The following CSMD3 variants were observed in gnomAD, a reference collection of about 807,000 sequenced individuals.
CSMD3 encodes CUB and sushi domain-containing protein 3.
Under a neutral mutation model 435.2 loss-of-function variants are expected in CSMD3, and 177 were observed. The ratio of observed to expected loss-of-function variants is 0.41; its 90% CI spans 0.36 to 0.46. CSMD3 has a LOEUF of 0.46. Among genes scored for constraint, CSMD3 ranks in the 20% least tolerant of loss-of-function variants. CSMD3 has a pLI of 0.34. For missense variants in CSMD3, 4,265 were observed against 4,504.6 expected (o/e 0.95, Z 1.52); for synonymous variants, 1,656 against 1,520.5 (o/e 1.09, Z -2.07).
chr8:112,748,116 T>C (rs565641376), intron 13 of CSMD3, among the ~76,000 whole-genome samples: 1 of 152,288 alleles, frequency 6.6e-6, no homozygotes, highest in Non-Finnish European at 1.5e-5. Context: ...CTTCTGGTTA[T>C]TGCTTTTTGC....
At chr8:113,217,596 G>T (rs188043327) in intron 3 of CSMD3, among the ~76,000 whole-genome samples, 1 of 151,486 alleles carries the variant, frequency 6.6e-6, no homozygotes, top group Admixed American at 6.6e-5. Flanking sequence ...ATTTAACAGC[G>T]TATTCAAAAT....
chr8:112,441,117 C>T (rs1382462454), intron 32 of CSMD3, among the ~76,000 whole-genome samples: 1 of 152,132 alleles, frequency 6.6e-6, no homozygotes, highest in African/African-American at 2.4e-5. Flanking sequence ...GAATGCTTTG[C>T]TGCTTTGCAA....
At chr8:113,063,925 T>C (rs570422371) in intron 5 of CSMD3, among the ~76,000 whole-genome samples, 5 of 151,730 alleles carry the variant, frequency 3.3e-5, no homozygotes, top group African/African-American at 1.2e-4. Context: ...TATAATACAA[T>C]AAAATTCCTT....
intron 1 of CSMD3, among the ~76,000 whole-genome samples, chr8:113,374,385 A>C (rs552768114): frequency 8.5e-5 from 13 of 152,208 alleles, no homozygotes. Context: ...ACAAGTTTGA[A>C]TTCTTATTCA....
At chr8:112,893,196 A>T (rs2081852067) in intron 10 of CSMD3, among the ~76,000 whole-genome samples, 2 of 151,434 alleles carry the variant, frequency 1.3e-5, no homozygotes, top group South Asian at 4.1e-4. Context: ...TTATCTTAAC[A>T]AACTCTCACA....
At position 113,173,844 on chromosome 8, in the gene CSMD3, A is replaced by G. The variant is rs2131891316; in HGVS notation, c.587T>C (p.Val196Ala). The G allele has an allele frequency of 2.5e-6, 4 of 1,613,912 alleles. No individual in the cohort carries two copies. Among genetic ancestry groups the G allele is most frequent in the Non-Finnish European group, 3.4e-6 (4 of 1,179,876 alleles). Residue 196 changes from valine (V) to alanine (A), a missense_variant, in exon 4 of 71, where the codon GTC becomes GCC. Around this residue, in one of 3 missense-constraint regions of CSMD3, gnomAD observed 731 missense variants for 755.4 expected, o/e 0.97. Transcript: ENST00000297405. ...ACAGCTGTAGCGGATCTTGTCCCCG[A>G]CGTCGAATCTTGTGCCATATAATAC... ...KGVLYGTRFD[V>A]GDKIRYSCVT...
intron 7 of CSMD3, among the ~76,000 whole-genome samples, chr8:112,960,631 G>T (rs985733375): frequency 1.3e-5 from 2 of 151,450 alleles, no homozygotes; most frequent in African/African-American, 4.8e-5. Context: ...AAAAGCAATG[G>T]CCATAATTTG....
intron 63 of CSMD3, among the ~76,000 whole-genome samples, chr8:112,250,631 T>C (rs369774032): frequency 6.6e-6 from 1 of 151,804 alleles, no homozygotes; most frequent in Admixed American, 6.6e-5. Flanking sequence ...AACAACATTC[T>C]AAAAATTTAT....
intron 25 of CSMD3, among the ~76,000 whole-genome samples, chr8:112,553,327 C>T (rs1023295556): frequency 1.3e-5 from 2 of 151,870 alleles, no homozygotes; most frequent in Admixed American, 1.3e-4. Flanking sequence ...ATGTGAGTAT[C>T]GTCATGCAAT....
chr8:112,636,928 C>T lies in CSMD3; in HGVS notation c.3604G>A (p.Asp1202Asn), dbSNP rs2131581476. ...GAAGAGCATGAGAAGGTCAGAGTGT[C>T]ACCAATCCCAAAGTTGAACCCGATT... ...SRIGFNFGIGDTLTFSCSSGY... is the reference protein window; with the variant it reads ...SRIGFNFGIGNTLTFSCSSGY... The change falls in exon 22 of 71, where the codon GAC becomes AAC. Residue 1202 changes from aspartate to asparagine, a missense_variant. By Grantham distance (23) the Asp-to-Asn change is conservative. Coordinates refer to ENST00000297405, the MANE Select transcript of CSMD3 (RefSeq NM_198123.2). 6.2e-7 allele frequency: 1 copy of T among 1,613,518 alleles called. No homozygotes were observed. The highest frequency in any genetic ancestry group is 1.1e-5 in the South Asian group (1 of 91,042).
intron 10 of CSMD3, among the ~76,000 whole-genome samples, chr8:112,908,750 T>A (rs372102563): frequency 6.6e-6 from 1 of 151,578 alleles, no homozygotes; most frequent in African/African-American, 2.4e-5. Context: ...TTTATGGTCA[T>A]GAAAATGAAG....
chr8:113,022,091 T>C (rs1156540846), intron 5 of CSMD3, among the ~76,000 whole-genome samples: 1 of 152,166 alleles, frequency 6.6e-6, no homozygotes, highest in Non-Finnish European at 1.5e-5. Context: ...TTATGGCTTA[T>C]GGAGAAATCT....
intron 11 of CSMD3, among the ~76,000 whole-genome samples, chr8:112,852,966 T>G (rs2080536824): frequency 6.6e-6 from 1 of 152,064 alleles, no homozygotes; most frequent in East Asian, 1.9e-4. Context: ...TTGTTCTGAT[T>G]ATATTAATAA....
At chr8:113,147,647 C>T (rs73342286) in intron 4 of CSMD3, among the ~76,000 whole-genome samples, 14 of 151,738 alleles carry the variant, frequency 9.2e-5, no homozygotes, top group African/African-American at 3.4e-4. Flanking sequence ...ATAACTTACT[C>T]TTTTTGGTGT....
chr8:112,666,318 A>C lies in CSMD3; in HGVS notation c.2775T>G (p.Ile925Met). Reference protein sequence around the residue: ...YKDSLNCEWVIEAEPGHSIKI... With the variant: ...YKDSLNCEWVMEAEPGHSIKI... ...TGATAGAGTGTCCAGGTTCAGCTTC[A>C]ATCACCCACTCACAATTCAAAGAGT... The change falls in exon 17 of 71, where the codon ATT (isoleucine) becomes ATG (methionine). Residue 925 changes from isoleucine (I) to methionine (M), a missense_variant. Physicochemically the swap from Ile to Met is conservative, Grantham distance 10. Coordinates refer to ENST00000297405, the MANE Select transcript of CSMD3 (RefSeq NM_198123.2). 1 of 1,612,508 alleles carries C rather than the reference A, an allele frequency of 6.2e-7. No individual in the cohort carries two copies.
intron 19 of CSMD3, among the ~76,000 whole-genome samples, chr8:112,645,593 T>A (rs980437917): frequency 6.6e-6 from 1 of 152,188 alleles, no homozygotes; most frequent in South Asian, 2.1e-4. Context: ...CTGTTTGATA[T>A]AGATTCCTAA....
At chr8:113,282,318 T>C (rs1319462507) in intron 2 of CSMD3, among the ~76,000 whole-genome samples, 3 of 151,966 alleles carry the variant, frequency 2.0e-5, no homozygotes, top group Non-Finnish European at 4.4e-5. Context: ...ATCGTTTACC[T>C]TGAAAACCCT....
intron 1 of CSMD3, among the ~76,000 whole-genome samples, chr8:113,400,701 A>G (rs1403241197): frequency 1.3e-5 from 2 of 151,914 alleles, no homozygotes; most frequent in Non-Finnish European, 2.9e-5. Flanking sequence ...TATGAGTACA[A>G]ACATGGAAAT....
At chr8:112,574,298 T>A (rs946019066) in intron 23 of CSMD3, among the ~76,000 whole-genome samples, 1 of 152,024 alleles carries the variant, frequency 6.6e-6, no homozygotes, top group Non-Finnish European at 1.5e-5. Context: ...ATTATAGACA[T>A]CTCTTCAGGT....
Sources: allele counts gnomAD v4.1 joint callset (sites outside exome capture counted in the v4.1 genomes callset), GRCh38; gene constraint gnomAD v4.1.1; regional missense constraint gnomAD v4.1.1; transcripts MANE v1.5; gene names NCBI Gene and HGNC (gene_info 2026-07-23, HGNC 2026-07-21).